The following FHIT variants were observed in gnomAD, a reference collection of about 807,000 sequenced individuals.
The protein encoded by FHIT is bis(5'-adenosyl)-triphosphatase.
FHIT carries 19 observed loss-of-function variants against 17.9 expected under a neutral mutation model. The ratio of observed to expected loss-of-function variants is 1.06; its 90% CI spans 0.74 to 1.56. The LOEUF is 1.56. Ranked by LOEUF, FHIT falls within the 40% of genes most tolerant of loss-of-function variation. The pLI is 0.00. For missense variants in FHIT, 248 were observed against 189.2 expected, an observed-to-expected ratio of 1.31 and a Z score of -1.82; for synonymous variants, 81 against 69.7, an observed-to-expected ratio of 1.16 and a Z score of -0.81.
At chr3:60,450,798 G>A (rs2031686189) in intron 5 of FHIT, among the ~76,000 whole-genome samples, 1 of 152,114 alleles carries the variant, frequency 6.6e-6, no homozygotes, top group East Asian at 1.9e-4. Context: ...ATGTTTTCAA[G>A]AAGGAACCTG....
At chr3:60,093,205 G>T (rs909560652) in intron 5 of FHIT, among the ~76,000 whole-genome samples, 1 of 152,164 alleles carries the variant, frequency 6.6e-6, no homozygotes, top group Admixed American at 6.5e-5. Context: ...CCTGACGCAG[G>T]TCTAAAATCA....
intron 3 of FHIT, among the ~76,000 whole-genome samples, chr3:60,961,439 T>C (rs1002761456): frequency 6.6e-6 from 1 of 152,248 alleles, no homozygotes; most frequent in African/African-American, 2.4e-5. Context: ...TTTAATTAGA[T>C]CCCATTTGTC....
intron 7 of FHIT, among the ~76,000 whole-genome samples, chr3:59,973,509 AT>A (rs1386847004): frequency 6.6e-6 from 1 of 152,068 alleles, no homozygotes. Flanking sequence ...CAATTCAATC[AT>A]GTTTTAAAGA....
intron 5 of FHIT, among the ~76,000 whole-genome samples, chr3:60,325,078 C>T (rs1188811912): frequency 2.0e-5 from 3 of 149,670 alleles, no homozygotes; most frequent in Non-Finnish European, 4.4e-5. Context: ...CAGGTCAACA[C>T]TTCACAGCAA....
At chr3:60,846,543 G>A (rs1301765560) in intron 3 of FHIT, among the ~76,000 whole-genome samples, 1 of 152,184 alleles carries the variant, frequency 6.6e-6, no homozygotes, top group Non-Finnish European at 1.5e-5. Flanking sequence ...ATTGCTTTGT[G>A]TATTCAAGAC....
intron 4 of FHIT, among the ~76,000 whole-genome samples, chr3:60,565,379 G>A (rs1040163998): frequency 5.3e-5 from 8 of 152,126 alleles, no homozygotes; most frequent in Non-Finnish European, 7.4e-5. Context: ...CCCTTGCTGG[G>A]CTGATCCCAA....
chr3:60,714,442 G>A lies in FHIT; in HGVS notation c.-18+107477C>T, dbSNP rs1478443184. Among the ~76,000 whole-genome samples the A allele has an allele frequency of 5.3e-5, 8 of 152,092 alleles. No individual in the cohort carries two copies. In the East Asian group the frequency reaches 1.5e-3, roughly 29 times the overall value. On this transcript the variant is annotated intron_variant, in intron 4 of 9. Transcript: ENST00000492590. ...TTGGAAGTTCTGGCCAGGGCAATTA[G>A]GCAGGAGGAGGAAATAAAGGGTATT...
At chr3:59,781,010 A>G (rs756190688) in intron 8 of FHIT, among the ~76,000 whole-genome samples, 1 of 152,192 alleles carries the variant, frequency 6.6e-6, no homozygotes. Context: ...AAACTAGAAT[A>G]TAATACAAAT....
At chr3:61,179,624 C>T (rs2038271013) in intron 2 of FHIT, among the ~76,000 whole-genome samples, 1 of 147,970 alleles carries the variant, frequency 6.8e-6, no homozygotes, top group African/African-American at 2.5e-5. Context: ...GGGAGGATCA[C>T]CTGAGCCCAG....
chr3:60,388,409 G>C (rs1701094639), intron 5 of FHIT, among the ~76,000 whole-genome samples: 1 of 152,038 alleles, frequency 6.6e-6, no homozygotes, highest in Non-Finnish European at 1.5e-5. Flanking sequence ...AGACCTGTCT[G>C]GGCAACATGG....
intron 2 of FHIT, among the ~76,000 whole-genome samples, chr3:61,167,562 G>A (rs1447767014): frequency 4.8e-5 from 7 of 147,118 alleles, no homozygotes; most frequent in East Asian, 2.0e-4. Context: ...CTGGGAGGCA[G>A]AGGTTGCAGT....
At chr3:61,146,780 T>C (rs2037237860) in intron 2 of FHIT, among the ~76,000 whole-genome samples, 1 of 152,038 alleles carries the variant, frequency 6.6e-6, no homozygotes, top group East Asian at 1.9e-4. Context: ...GAAACTACTG[T>C]AGGAACTTAT....
chr3:60,277,834 C>T (rs902723480), intron 5 of FHIT, among the ~76,000 whole-genome samples: 1 of 152,094 alleles, frequency 6.6e-6, no homozygotes, highest in African/African-American at 2.4e-5. Flanking sequence ...CTTAATTTTC[C>T]CGGCATGAGA....
At chr3:60,150,991 C>T (rs1487512164) in intron 5 of FHIT, among the ~76,000 whole-genome samples, 3 of 151,966 alleles carry the variant, frequency 2.0e-5, no homozygotes, top group African/African-American at 7.2e-5. Context: ...AATTAAAGAC[C>T]CCCAACAAGT....
chr3:60,487,250 G>A (rs1226275393), intron 5 of FHIT, among the ~76,000 whole-genome samples: 1 of 152,202 alleles, frequency 6.6e-6, no homozygotes, highest in Non-Finnish European at 1.5e-5. Flanking sequence ...GGGCACAAAT[G>A]TAAGAGCCTC....
At chr3:60,983,135 T>TCTTGTGTG (rs546728177) in intron 3 of FHIT, among the ~76,000 whole-genome samples, 12 of 148,850 alleles carry the variant, frequency 8.1e-5, no homozygotes, top group African/African-American at 3.0e-4. Context: ...ACCTTCTCTC[T>TCTTGTGTG]TGTGTGTGTG....
intron 3 of FHIT, among the ~76,000 whole-genome samples, chr3:60,964,507 G>T (rs1559871336): frequency 6.6e-6 from 1 of 152,120 alleles, no homozygotes; most frequent in Non-Finnish European, 1.5e-5. Context: ...CCCATTAGTT[G>T]GTGCAGTTTC....
chr3:60,279,053 A>G (rs1238545983), intron 5 of FHIT, among the ~76,000 whole-genome samples: 1 of 152,154 alleles, frequency 6.6e-6, no homozygotes, highest in Admixed American at 6.5e-5. Context: ...AATCAATTAC[A>G]TTGAAAATAG....
At chr3:60,469,897 T>C (rs415879) in intron 5 of FHIT, among the ~76,000 whole-genome samples, 5 of 152,258 alleles carry the variant, frequency 3.3e-5, no homozygotes, top group East Asian at 3.9e-4. Flanking sequence ...ACTGTGGCTA[T>C]TGCAGGCTTG....
Sources: allele counts gnomAD v4.1 joint callset (sites outside exome capture counted in the v4.1 genomes callset), GRCh38; gene constraint gnomAD v4.1.1; transcripts MANE v1.5; gene names NCBI Gene and HGNC (gene_info 2026-07-23, HGNC 2026-07-21).